Variants in ALCAM observed in about 807,000 individuals in gnomAD.
ALCAM encodes the protein CD166 antigen.
ALCAM carries 30 observed loss-of-function variants against 70.9 expected under a neutral mutation model. The observed-to-expected ratio is 0.42, with a 90% CI of 0.32 to 0.57. ALCAM has a LOEUF of 0.57. Among genes scored for constraint, ALCAM ranks in the 20% least tolerant of loss-of-function variants. The probability of loss-of-function intolerance (pLI) is 0.11; values close to 1 mark genes in which losing one functional copy is unlikely to be tolerated. For missense variants in ALCAM, 591 were observed against 695.1 expected (o/e 0.85, Z 1.68); for synonymous variants, 249 against 242.5 (o/e 1.03, Z -0.25).
At chr3:105,444,610 G>A (rs1360103998) in intron 1 of ALCAM, among the ~76,000 whole-genome samples, 1 of 152,092 alleles carries the variant, frequency 6.6e-6, no homozygotes, top group Non-Finnish European at 1.5e-5. Context: ...CCTAAAATTT[G>A]TTTCAAAGAT....
intron 1 of ALCAM, among the ~76,000 whole-genome samples, chr3:105,465,563 C>T (rs1005062570): frequency 6.6e-6 from 1 of 151,420 alleles, no homozygotes; most frequent in African/African-American, 2.4e-5. Flanking sequence ...CCAGTTTTAG[C>T]AGAAAATCTG....
chr3:105,533,427 CT>C (rs2152627175), intron 4 of ALCAM, among the ~76,000 whole-genome samples, 175 bp from the exon 5 acceptor site: 1 of 152,178 alleles, frequency 6.6e-6, no homozygotes, highest in African/African-American at 2.4e-5. Context: ...TTAAAAAGGT[CT>C]TAAAAAGACA....
At chr3:105,552,792 G>A in intron 14 of ALCAM, 1 of 1,369,486 alleles carries the variant, frequency 7.3e-7, no homozygotes, top group Non-Finnish European at 9.4e-7. Context: ...TGTTTCACAT[G>A]TGTCCGTTTA....
intron 1 of ALCAM, among the ~76,000 whole-genome samples, chr3:105,505,882 C>A (rs1185351155): frequency 6.6e-6 from 1 of 152,066 alleles, no homozygotes; most frequent in Non-Finnish European, 1.5e-5. Context: ...GGCTTTCCCA[C>A]AGAAATCATT....
intron 1 of ALCAM, among the ~76,000 whole-genome samples, chr3:105,486,577 T>G (rs1938433667): frequency 1.3e-5 from 2 of 152,176 alleles, no homozygotes; most frequent in South Asian, 4.1e-4. Context: ...GAAGAGAATG[T>G]GTTTTATATC....
At chr3:105,424,535 G>A (rs1936743701) in intron 1 of ALCAM, among the ~76,000 whole-genome samples, 1 of 151,564 alleles carries the variant, frequency 6.6e-6, no homozygotes, top group Admixed American at 6.6e-5. Flanking sequence ...TAGAGTTGTG[G>A]GTAGGTAATG....
chr3:105,375,182 C>A (rs915151325), intron 1 of ALCAM, among the ~76,000 whole-genome samples: 1 of 152,104 alleles, frequency 6.6e-6, no homozygotes, highest in Non-Finnish European at 1.5e-5. Context: ...GCTTAATATG[C>A]ATATTATTAG....
chr3:105,482,993 C>T (rs1210436617), intron 1 of ALCAM, among the ~76,000 whole-genome samples: 1 of 152,034 alleles, frequency 6.6e-6, no homozygotes, highest in East Asian at 1.9e-4. Context: ...CAGCCAATTT[C>T]CCCCCTGATT....
intron 1 of ALCAM, among the ~76,000 whole-genome samples, chr3:105,373,702 T>C (rs1935302537): frequency 6.6e-6 from 1 of 152,222 alleles, no homozygotes; most frequent in African/African-American, 2.4e-5. Flanking sequence ...TGAACATAAA[T>C]TTTTTGAATA....
intron 1 of ALCAM, among the ~76,000 whole-genome samples, chr3:105,506,434 T>C (rs888674393): frequency 6.6e-6 from 1 of 152,234 alleles, no homozygotes; most frequent in African/African-American, 2.4e-5. Context: ...GTTTGTTTGG[T>C]TTCCAATTAA....
intron 1 of ALCAM, among the ~76,000 whole-genome samples, chr3:105,382,862 T>C (rs1364467951): frequency 2.0e-5 from 3 of 152,006 alleles, no homozygotes; most frequent in Non-Finnish European, 4.4e-5. Context: ...ATGAATCAAC[T>C]CTTATAACTG....
At chr3:105,490,043 A>G (rs1409717198) in intron 1 of ALCAM, among the ~76,000 whole-genome samples, 2 of 152,172 alleles carry the variant, frequency 1.3e-5, no homozygotes. Context: ...ACATTTTAAG[A>G]TATTTTGTTT....
chr3:105,566,165 G>T (rs1339265785), intron 14 of ALCAM, among the ~76,000 whole-genome samples: 4 of 152,182 alleles, frequency 2.6e-5, no homozygotes, highest in Non-Finnish European at 4.4e-5. Flanking sequence ...TGGAACATAT[G>T]TGGATTTTGG....
chr3:105,533,084 A>T (rs141259742), intron 4 of ALCAM, among the ~76,000 whole-genome samples: 1,612 of 152,302 alleles, frequency 0.011, 13 homozygotes, highest in Middle Eastern at 0.017. Context: ...TTTACTGCAT[A>T]AAATTATTTG....
intron 1 of ALCAM, among the ~76,000 whole-genome samples, chr3:105,417,004 A>G (rs967288741): frequency 1.3e-5 from 2 of 151,920 alleles, no homozygotes; most frequent in African/African-American, 4.8e-5. Context: ...GATATGAGCT[A>G]TAATAAAAGC....
chr3:105,480,929 C>T (rs1938253032), intron 1 of ALCAM, among the ~76,000 whole-genome samples: 1 of 152,048 alleles, frequency 6.6e-6, no homozygotes, highest in African/African-American at 2.4e-5. Context: ...AAAGAAGGCA[C>T]CAGAGAGTGA....
At chr3:105,434,505 A>G (rs1937008387) in intron 1 of ALCAM, among the ~76,000 whole-genome samples, 1 of 151,924 alleles carries the variant, frequency 6.6e-6, no homozygotes, top group African/African-American at 2.4e-5. Flanking sequence ...AAAATATGAG[A>G]TTATTTTTCC....
intron 1 of ALCAM, among the ~76,000 whole-genome samples, chr3:105,490,649 A>G (rs1938556985): frequency 6.6e-6 from 1 of 152,190 alleles, no homozygotes; most frequent in African/African-American, 2.4e-5. Context: ...CTCTTGCCCC[A>G]TGCAAGTACA....
chr3:105,455,567 G>C (rs1158161292), intron 1 of ALCAM, among the ~76,000 whole-genome samples: 1 of 152,164 alleles, frequency 6.6e-6, no homozygotes, highest in African/African-American at 2.4e-5. Context: ...ACTGTGTTAG[G>C]AGGCAGGACT....
Sources: allele counts gnomAD v4.1 joint callset (sites outside exome capture counted in the v4.1 genomes callset), GRCh38; gene constraint gnomAD v4.1.1; transcripts MANE v1.5; gene names NCBI Gene and HGNC (gene_info 2026-07-23, HGNC 2026-07-21).